Variants in ADGRL3 observed in about 807,000 individuals in gnomAD.
ADGRL3 encodes the protein adhesion G protein-coupled receptor L3, also known as calcium-independent alpha-latrotoxin receptor 3.
ADGRL3 carries 62 observed loss-of-function variants against 153.5 expected under a neutral mutation model. The observed-to-expected ratio is 0.40, with a 90% CI of 0.33 to 0.50. ADGRL3 has a LOEUF of 0.50. ADGRL3 is among the 20% of genes least tolerant of loss of function. The probability of loss-of-function intolerance (pLI) is 0.47; values close to 1 mark genes in which losing one functional copy is unlikely to be tolerated. For missense variants in ADGRL3, 1,641 were observed against 1,859.4 expected, an observed-to-expected ratio of 0.88 and a Z score of 2.16; for synonymous variants, 710 against 672.5, an observed-to-expected ratio of 1.06 and a Z score of -0.86.
At position 62,077,380 on chromosome 4, in the gene ADGRL3, T is replaced by G. The variant is rs1747486591; in HGVS notation, c.*6472T>G. On this transcript the variant is annotated 3_prime_UTR_variant, in exon 27 of 27. Coordinates refer to ENST00000683033, the MANE Select transcript of ADGRL3 (RefSeq NM_001387552.1). Reference sequence around the variant, plus strand: ...CTCAATGATCCAAGACTACAAAATTTCTTGCTACATTGGCAAGGAAATATG... The same window carrying G: ...CTCAATGATCCAAGACTACAAAATTGCTTGCTACATTGGCAAGGAAATATG... 6.6e-6 allele frequency: 1 copy of G among 151,988 alleles called. No homozygotes were observed. Among genetic ancestry groups the G allele is most frequent in the Admixed American group, 6.6e-5 (1 of 15,246 alleles). 9.4% of individuals were successfully genotyped at this position (151,988 alleles called of 1,614,324 possible).
chr4:62,024,393 T>G (rs557355873), intron 21 of ADGRL3, among the ~76,000 whole-genome samples: 6 of 152,246 alleles, frequency 3.9e-5, no homozygotes, highest in Non-Finnish European at 8.8e-5. Flanking sequence ...ATTTATTTGG[T>G]TCATTTCATT....
intron 9 of ADGRL3, among the ~76,000 whole-genome samples, chr4:61,850,284 G>A (rs1036314289): frequency 4.6e-5 from 7 of 152,082 alleles, no homozygotes; most frequent in Non-Finnish European, 1.0e-4. Flanking sequence ...CTGAATCTTA[G>A]AGAAATTAAA....
Position 61,474,028 on chromosome 4 carries a change from G to GA in ADGRL3, c.-173-23083dup, listed in dbSNP as rs914527124. On this transcript the variant is annotated intron_variant, in intron 2 of 26. Coordinates refer to ENST00000683033, the MANE Select transcript of ADGRL3 (RefSeq NM_001387552.1). ...GATCGTCAGGAAAATCTTTGCAGAG[G>GA]AAAAAAAAAATCTGTGAATATTACA... Among the ~76,000 whole-genome samples, 71 of 149,284 alleles carry GA rather than the reference G, an allele frequency of 4.8e-4. 1 individual carries two copies. Among genetic ancestry groups the GA allele is most frequent in the Non-Finnish European group, 6.4e-4 (43 of 67,110 alleles).
chr4:61,636,267 C>T (rs2093419144), intron 5 of ADGRL3, among the ~76,000 whole-genome samples: 1 of 152,052 alleles, frequency 6.6e-6, no homozygotes, highest in South Asian at 2.1e-4. Flanking sequence ...AAAATATAAT[C>T]CTTTGCCAAG....
chr4:61,747,138 C>T (rs1017662017), intron 8 of ADGRL3, among the ~76,000 whole-genome samples: 3 of 152,132 alleles, frequency 2.0e-5, no homozygotes, highest in Non-Finnish European at 4.4e-5. Flanking sequence ...GACACATACA[C>T]CCTTCCAAGA....
At chr4:61,858,459 A>G (rs998229964) in intron 9 of ADGRL3, among the ~76,000 whole-genome samples, 1 of 152,060 alleles carries the variant, frequency 6.6e-6, no homozygotes, top group Non-Finnish European at 1.5e-5. Flanking sequence ...CACCTCTACT[A>G]AAAATACAAA....
At chr4:61,656,977 CA>C (rs773239840) in intron 5 of ADGRL3, among the ~76,000 whole-genome samples, 3 of 152,206 alleles carry the variant, frequency 2.0e-5, no homozygotes, top group Non-Finnish European at 4.4e-5. Context: ...CTTGCAAAAG[CA>C]GCAAACACAT....
intron 2 of ADGRL3, among the ~76,000 whole-genome samples, chr4:61,465,308 T>C (rs988973807): frequency 2.6e-5 from 4 of 152,164 alleles, no homozygotes; most frequent in Non-Finnish European, 5.9e-5. Flanking sequence ...AAAGTTAGTA[T>C]AGCATGTCCA....
chr4:61,553,359 T>A (rs1265278932), intron 4 of ADGRL3, among the ~76,000 whole-genome samples: 1 of 152,162 alleles, frequency 6.6e-6, no homozygotes, highest in African/African-American at 2.4e-5. Flanking sequence ...TAAATAAGCT[T>A]TCAATACAGT....
chr4:61,692,220 G>A (rs989310084), intron 6 of ADGRL3, among the ~76,000 whole-genome samples: 3 of 151,998 alleles, frequency 2.0e-5, no homozygotes, highest in East Asian at 1.9e-4. Context: ...GTTTAGTTAG[G>A]TGATAGGATT....
chr4:61,960,857 G>A (rs2098985106), intron 17 of ADGRL3, among the ~76,000 whole-genome samples: 1 of 151,950 alleles, frequency 6.6e-6, no homozygotes, highest in Non-Finnish European at 1.5e-5. Context: ...CTACAGGCGT[G>A]CGCCACCACA....
At chr4:61,488,060 A>T (rs1475109669) in intron 2 of ADGRL3, among the ~76,000 whole-genome samples, 7 of 152,102 alleles carry the variant, frequency 4.6e-5, no homozygotes, top group African/African-American at 1.7e-4. Flanking sequence ...TTCACAAGAA[A>T]GTGATCCTGT....
At chr4:61,428,914 T>A (rs1413128046) in intron 2 of ADGRL3, among the ~76,000 whole-genome samples, 8 of 149,498 alleles carry the variant, frequency 5.4e-5, no homozygotes, top group Non-Finnish European at 8.8e-5. Context: ...TCTATCTATC[T>A]ATCTATCTAT....
intron 2 of ADGRL3, among the ~76,000 whole-genome samples, chr4:61,417,270 T>C (rs905774751): frequency 1.3e-4 from 20 of 152,012 alleles, no homozygotes; most frequent in Admixed American, 2.6e-4. Flanking sequence ...GGCAGATCAC[T>C]TGATCCCAGG....
At chr4:61,678,698 C>G (rs961635286) in intron 6 of ADGRL3, among the ~76,000 whole-genome samples, 13 of 151,814 alleles carry the variant, frequency 8.6e-5, no homozygotes, top group African/African-American at 3.1e-4. Context: ...AATATTATAT[C>G]AAAATATTTA....
At chr4:61,497,515 CTTTTT>C (rs5858707) in intron 3 of ADGRL3, among the ~76,000 whole-genome samples, 167 bp downstream of exon 3, 2 of 95,332 alleles carry the variant, frequency 2.1e-5, no homozygotes, top group Non-Finnish European at 4.5e-5. Flanking sequence ...CTTTTCTTTT[CTTTTT>C]TTTTTTTTTT....
At chr4:61,216,860 A>G (rs1274493020) in intron 1 of ADGRL3, among the ~76,000 whole-genome samples, 2 of 152,226 alleles carry the variant, frequency 1.3e-5, no homozygotes, top group Admixed American at 6.5e-5. Context: ...TGAGGATTAA[A>G]TGAGGTAATG....
At chr4:62,041,759 TA>T (rs959146115) in intron 24 of ADGRL3, among the ~76,000 whole-genome samples, 4 of 152,146 alleles carry the variant, frequency 2.6e-5, no homozygotes, top group African/African-American at 4.8e-5. Flanking sequence ...TCCCATATTC[TA>T]AAACCCTTCC....
chr4:61,532,330 A>T (rs2098623747), intron 4 of ADGRL3, among the ~76,000 whole-genome samples: 2 of 151,990 alleles, frequency 1.3e-5, no homozygotes, highest in Admixed American at 1.3e-4. Context: ...ATAACTTGGG[A>T]CTCAGCTTTT....
Sources: gnomAD v4.1 joint callset for allele counts (sites outside exome capture counted in the v4.1 genomes callset) on GRCh38, gnomAD v4.1.1 for gene constraint, MANE v1.5 for transcripts, NCBI Gene and HGNC (gene_info 2026-07-23, HGNC 2026-07-21) for gene names.